ITPR1: variants seen among roughly 807,000 people sequenced by gnomAD.
ITPR1 encodes the protein inositol 1,4,5-trisphosphate receptor type 1.
A neutral mutation model predicts 318.4 loss-of-function variants in ITPR1; 96 were observed. The observed-to-expected ratio is 0.30, with a 90% CI of 0.26 to 0.36. ITPR1 has a LOEUF of 0.36. ITPR1 is among the 10% of genes least tolerant of loss of function. The pLI, the probability that ITPR1 is intolerant of heterozygous loss-of-function variation, is 1.00. For synonymous variants in ITPR1, 1,312 were observed against 1,289.9 expected (o/e 1.02, Z -0.37); for missense variants, 2,440 against 3,460.2 (o/e 0.71, Z 7.40).
chr3:4,797,478 A>C (rs977477273), intron 53 of ITPR1, among the ~76,000 whole-genome samples: 1 of 152,134 alleles, frequency 6.6e-6, no homozygotes, highest in South Asian at 2.1e-4. Context: ...TGTGGCTTAC[A>C]AGGTTTGCAA....
intron 44 of ITPR1, among the ~76,000 whole-genome samples, chr3:4,739,358 T>A (rs2043530426): frequency 6.6e-6 from 1 of 152,102 alleles, no homozygotes; most frequent in Non-Finnish European, 1.5e-5. Context: ...GGGAAATGGG[T>A]CTGTGGTCAG....
At chr3:4,586,455 C>T (rs2089906877) in intron 4 of ITPR1, among the ~76,000 whole-genome samples, 1 of 151,200 alleles carries the variant, frequency 6.6e-6, no homozygotes, top group Admixed American at 6.6e-5. Context: ...CTTTGCTATG[C>T]TGCTTCTTAC....
At chr3:4,639,841 T>A (rs6442892) in intron 6 of ITPR1, among the ~76,000 whole-genome samples, 152,346 of 152,346 alleles carry the variant, frequency 1, 76,173 homozygotes, top group Non-Finnish European at 1. Flanking sequence ...TCTACTGGCC[T>A]AAAACAGCTG....
At chr3:4,697,469 T>TTTTTTTTTTTTTTG (rs1559719610) in intron 34 of ITPR1, among the ~76,000 whole-genome samples, 197 bp downstream of exon 34, 1 of 149,106 alleles carries the variant, frequency 6.7e-6, no homozygotes, top group African/African-American at 2.5e-5. Flanking sequence ...TTTTTTTTTT[T>TTTTTTTTTTTTTTG]GAGCTGGAGT....
Position 4,501,023 on chromosome 3 carries a change from TA to T in ITPR1, c.-17+6527del, listed in dbSNP as rs201251947. Reference sequence around the variant, plus strand: ...CGTGCCCCACCACTCCTGGCTAATTTAAAAAAAAAATTTTTTTTTGTAGAGA... The same window carrying T: ...CGTGCCCCACCACTCCTGGCTAATTTAAAAAAAAATTTTTTTTTGTAGAGA... On this transcript the variant is annotated intron_variant, in intron 2 of 61. Transcript: ENST00000649015. Among the ~76,000 whole-genome samples the T allele has an allele frequency of 2.2e-3, 214 of 96,298 alleles. 1 individual carries two copies. Among genetic ancestry groups the T allele is most frequent in the African/African-American group, 7.0e-3 (186 of 26,688 alleles). 63.2% of individuals were successfully genotyped at this position (96,298 alleles called of 152,430 possible).
chr3:4,672,582 A>T (rs186928790), intron 20 of ITPR1, among the ~76,000 whole-genome samples: 17 of 152,318 alleles, frequency 1.1e-4, no homozygotes, highest in Admixed American at 4.6e-4. Context: ...AGTTAACAAC[A>T]TTCACTTGCA....
intron 4 of ITPR1, among the ~76,000 whole-genome samples, chr3:4,621,131 C>T (rs568239802): frequency 2.6e-4 from 39 of 152,234 alleles, no homozygotes; most frequent in Non-Finnish European, 3.2e-4. Flanking sequence ...GGTACCATCA[C>T]TGTATTAGCG....
At chr3:4,835,462 G>C (rs574809196) in intron 60 of ITPR1, among the ~76,000 whole-genome samples, 9 of 152,284 alleles carry the variant, frequency 5.9e-5, no homozygotes, top group African/African-American at 1.9e-4. Flanking sequence ...CTGAGTAGTT[G>C]TGACAGAGAC....
At chr3:4,817,963 C>G (rs2049417913) in intron 59 of ITPR1, 119 bp from the exon 60 acceptor site, 1 of 745,170 alleles carries the variant, frequency 1.3e-6, no homozygotes, top group Admixed American at 3.0e-5. Context: ...CAGAATCCAA[C>G]TCTTTATAAA....
intron 26 of ITPR1, among the ~76,000 whole-genome samples, chr3:4,682,010 T>C (rs2094312580): frequency 1.3e-5 from 2 of 152,244 alleles, no homozygotes; most frequent in East Asian, 3.8e-4. Flanking sequence ...AAACACCATA[T>C]GCACATAGTT....
chr3:4,699,771 T>G (rs750571366), intron 34 of ITPR1, 42 bp from the exon 35 acceptor site: 2 of 1,597,268 alleles, frequency 1.3e-6, no homozygotes, highest in Non-Finnish European at 1.7e-6. Flanking sequence ...ATGTTTGGTG[T>G]AGGTTTTGGT....
At chr3:4,558,185 A>G (rs1318654165) in intron 4 of ITPR1, among the ~76,000 whole-genome samples, 2 of 152,200 alleles carry the variant, frequency 1.3e-5, no homozygotes, top group Non-Finnish European at 2.9e-5. Flanking sequence ...GGAGAATCTT[A>G]ATTGGACATA....
At chr3:4,725,324 C>G (rs956204726) in intron 40 of ITPR1, among the ~76,000 whole-genome samples, 1 of 151,966 alleles carries the variant, frequency 6.6e-6, no homozygotes, top group African/African-American at 2.4e-5. Flanking sequence ...GTTCCCCCAT[C>G]GCAGGTCGAT....
At chr3:4,522,324 A>G (rs914562808) in intron 4 of ITPR1, among the ~76,000 whole-genome samples, 3 of 152,236 alleles carry the variant, frequency 2.0e-5, no homozygotes, top group Non-Finnish European at 4.4e-5. Context: ...TGCAGATTAT[A>G]TAACTCAAGT....
intron 60 of ITPR1, among the ~76,000 whole-genome samples, chr3:4,825,281 T>C (rs894190574): frequency 4.6e-5 from 7 of 152,174 alleles, no homozygotes; most frequent in African/African-American, 1.4e-4. Context: ...AAACTAGCTA[T>C]ACAGGATCCA....
At chr3:4,721,433 T>C (rs1248291169) in intron 40 of ITPR1, among the ~76,000 whole-genome samples, 4 of 152,148 alleles carry the variant, frequency 2.6e-5, no homozygotes, top group Admixed American at 6.5e-5. Context: ...AAAGTTGTTC[T>C]ACTGAAATGC....
chr3:4,767,392 C>A (rs1006849884), intron 45 of ITPR1, among the ~76,000 whole-genome samples: 1 of 152,196 alleles, frequency 6.6e-6, no homozygotes, highest in African/African-American at 2.4e-5. Flanking sequence ...GTCCCCTGGG[C>A]GGGGTTGGGG....
rs530023602 is a variant in ITPR1, at chr3:4,622,707, C to T, written c.164-5056C>T. On this transcript the variant is annotated intron_variant, in intron 4 of 61. Coordinates refer to ENST00000649015, the MANE Select transcript of ITPR1 (RefSeq NM_001378452.1). ...GGCTTACAGGTGTGAGCCACCGCAC[C>T]CGGCCTAAACATTTTAATAAGTAGT... is the stretch of plus-strand genomic sequence containing the variant. 2.0e-5 allele frequency among the ~76,000 whole-genome samples: 3 copies of T among 152,308 alleles called. No homozygotes were observed. In the East Asian group the frequency reaches 5.8e-4, roughly 29 times the overall value.
chr3:4,776,235 A>T (rs2046476457), intron 47 of ITPR1, among the ~76,000 whole-genome samples: 1 of 152,006 alleles, frequency 6.6e-6, no homozygotes, highest in South Asian at 2.1e-4. Context: ...ATGCCTGGCT[A>T]ATTTTTGTAT....
Sources: gnomAD v4.1 joint callset for allele counts (sites outside exome capture counted in the v4.1 genomes callset) on GRCh38, gnomAD v4.1.1 for gene constraint, MANE v1.5 for transcripts, NCBI Gene and HGNC (gene_info 2026-07-23, HGNC 2026-07-21) for gene names.